NAAA: variants seen among roughly 807,000 people sequenced by gnomAD.
NAAA encodes the protein N-acylethanolamine-hydrolyzing acid amidase.
In NAAA, 39 loss-of-function variants were observed where a neutral mutation model predicts 44.8. The observed-to-expected ratio is 0.87, with a 90% CI of 0.67 to 1.14. NAAA has a LOEUF of 1.14. NAAA is among the 50% of genes most tolerant of loss of function. The pLI is 0.00. For synonymous variants in NAAA, 178 were observed against 191.3 expected, an observed-to-expected ratio of 0.93 and a Z score of 0.58; for missense variants, 460 against 467.8, an observed-to-expected ratio of 0.98 and a Z score of 0.15.
rs930269177 is a variant in NAAA at position 75,940,155 on chromosome 4, G to A, written c.217C>T (p.Pro73Ser). 2 of 1,613,504 alleles carry A rather than the reference G, an allele frequency of 1.2e-6. No individual in the cohort carries two copies. The highest frequency in any genetic ancestry group is 1.3e-5 in the African/African-American group (1 of 74,942). Residue 73 changes from proline (P) to serine (S), a missense_variant, in exon 2 of 11, where the codon CCC becomes TCC. Coordinates refer to ENST00000286733, the MANE Select transcript of NAAA (RefSeq NM_014435.4). ...CCGATTAACACGTGCACCCACTTGGGGACTCTGTCCCTAGAAACAAAAAGC... is the reference window on the plus strand; with the variant it reads ...CCGATTAACACGTGCACCCACTTGGAGACTCTGTCCCTAGAAACAAAAAGC... Reference protein sequence around the residue: ...AMAQVIGDRVPKWVHVLIGKV... With the variant: ...AMAQVIGDRVSKWVHVLIGKV...
chr4:75,933,420 T>C (rs1727420358), intron 3 of NAAA, among the ~76,000 whole-genome samples: 2 of 152,134 alleles, frequency 1.3e-5, no homozygotes, highest in Non-Finnish European at 2.9e-5. Context: ...TCTCCACGCA[T>C]GGTGGTAAAG....
At chr4:75,921,251 G>A in intron 5 of NAAA, 128 bp from the exon 6 acceptor site, 1 of 852,416 alleles carries the variant, frequency 1.2e-6, no homozygotes, top group Non-Finnish European at 1.7e-6. Flanking sequence ...GATCTGCTCT[G>A]ACCTTATCCT....
At position 75,913,995 on chromosome 4, in the gene NAAA, G is replaced by A; in HGVS notation, c.*380C>T. On this transcript the variant is annotated 3_prime_UTR_variant, in exon 11 of 11. Coordinates refer to ENST00000286733, the MANE Select transcript of NAAA (RefSeq NM_014435.4). ...TTCACAATGAACAGAGGTCTTGCCA[G>A]CTCATTTCATTAGCGGAGAAGCAAA... 2.0e-6 allele frequency: 2 copies of A among 985,376 alleles called. No individual in the cohort carries two copies. The highest frequency in any genetic ancestry group is 2.4e-6 in the Non-Finnish European group (2 of 829,910). The allele number at this position is 985,376 out of a possible 1,614,324, so 61.0% of individuals were successfully genotyped here.
chr4:75,933,074 G>C (rs1168979365), intron 3 of NAAA, among the ~76,000 whole-genome samples: 2 of 148,720 alleles, frequency 1.3e-5, no homozygotes, highest in African/African-American at 2.5e-5. Context: ...GGTAGAGGTT[G>C]CCGTGAGCCA....
chr4:75,920,397 T>C (rs1475458745), intron 7 of NAAA, among the ~76,000 whole-genome samples: 1 of 152,220 alleles, frequency 6.6e-6, no homozygotes, highest in East Asian at 1.9e-4. Flanking sequence ...TCTAAAAATA[T>C]CTTGCCTAGA....
intron 4 of NAAA, among the ~76,000 whole-genome samples, chr4:75,929,600 A>G (rs1445033969): frequency 1.3e-5 from 2 of 152,222 alleles, no homozygotes; most frequent in Non-Finnish European, 2.9e-5. Context: ...ATGTAATTAT[A>G]GGCATTCTAT....
Position 75,940,800 on chromosome 4 carries a change from G to C in NAAA, c.150C>G (p.Pro50=), listed in dbSNP as rs769043385. 31 of 1,598,854 alleles carry C rather than the reference G, an allele frequency of 1.9e-5. No individual in the cohort carries two copies. Among genetic ancestry groups the C allele is most frequent in the Non-Finnish European group, 2.5e-5 (30 of 1,178,818 alleles). Residue 50 remains proline, a synonymous_variant, in exon 1 of 11, where the codon CCC becomes CCG. Transcript: ENST00000286733. ...AGTCCAAGTCGTAGTGCCGCAGCACGGGCAGCCAGCGCAGCTCGGGGACCG... is the reference window on the plus strand; with the variant it reads ...AGTCCAAGTCGTAGTGCCGCAGCACCGGCAGCCAGCGCAGCTCGGGGACCG... ...LDSVPELRWL[P]VLRHYDLDLV...
At chr4:75,925,244 C>T (rs1372195600) in intron 5 of NAAA, among the ~76,000 whole-genome samples, 3 of 152,172 alleles carry the variant, frequency 2.0e-5, no homozygotes, top group Admixed American at 2.0e-4. Flanking sequence ...ACTGTGTTAG[C>T]CAGGATGGTC....
At position 75,914,328 on chromosome 4, in the gene NAAA, T is replaced by A. The variant is rs114178130; in HGVS notation, c.*47A>T. The A allele has an allele frequency of 5.3e-3, 5,218 of 982,054 alleles. 201 individuals are homozygous for A. The African/African-American group carries it at 0.083, about 16-fold the overall frequency. 60.8% of individuals were successfully genotyped at this position (982,054 alleles called of 1,614,324 possible). A position where few individuals can be genotyped will look rare whatever the true frequency, so the allele number is the denominator to read the frequency against. Reference sequence around the variant, plus strand: ...GCAGCTCTTCAAGAATTTCATTTTTTAAAAAATCATCTGTAAGGGAAGAAA... The same window carrying A: ...GCAGCTCTTCAAGAATTTCATTTTTAAAAAAATCATCTGTAAGGGAAGAAA... On this transcript the variant is annotated 3_prime_UTR_variant, in exon 11 of 11. Coordinates refer to ENST00000286733, the MANE Select transcript of NAAA (RefSeq NM_014435.4).
In NAAA at chr4:75,913,839, A is replaced by G; in HGVS notation, c.*536T>C. 4.1e-6 allele frequency: 4 copies of G among 985,356 alleles called. No individual in the cohort carries two copies. The highest frequency in any genetic ancestry group is 4.8e-6 in the Non-Finnish European group (4 of 829,826). The allele number at this position is 985,356 out of a possible 1,614,324, so 61.0% of individuals were successfully genotyped here. On this transcript the variant is annotated 3_prime_UTR_variant, in exon 11 of 11. Coordinates refer to ENST00000286733, the MANE Select transcript of NAAA (RefSeq NM_014435.4). The stretch of plus-strand genomic sequence containing the variant: ...ATAAAACGTTAGAAACATTATAAAA[A>G]ACGAGACTCCCATTACATGGAAACA...
downstream of NAAA, among the ~76,000 whole-genome samples, chr4:75,912,644 C>T (rs753558156): frequency 6.6e-5 from 10 of 151,892 alleles, no homozygotes; most frequent in Non-Finnish European, 1.3e-4. Context: ...CATAGTGGCA[C>T]ATGCCGGTAA....
intron 5 of NAAA, among the ~76,000 whole-genome samples, chr4:75,923,146 G>A (rs1021244395): frequency 2.0e-5 from 3 of 152,050 alleles, no homozygotes; most frequent in Non-Finnish European, 4.4e-5. Context: ...GGGCAGAAGG[G>A]ATCCTCCCGC....
chr4:75,922,377 CAAAAA>C (rs34680013), intron 5 of NAAA, among the ~76,000 whole-genome samples: 2 of 105,386 alleles, frequency 1.9e-5, no homozygotes, highest in Non-Finnish European at 2.0e-5. Context: ...GACCCTGTCT[CAAAAA>C]AAAAAAAAAA....
At position 75,937,768 on chromosome 4, in the gene NAAA, G is replaced by A. The variant is rs529843799; in HGVS notation, c.372-1533C>T. Among the ~76,000 whole-genome samples, 18 of 152,342 alleles carry A rather than the reference G, an allele frequency of 1.2e-4. 1 individual carries two copies. In the South Asian group the frequency reaches 2.1e-3, roughly 18 times the overall value. ...CTCCCAAAATGCTGGCAATGCAGGC[G>A]TGAGCCACTGTGGCCGGCCACCCTC... On this transcript the variant is annotated intron_variant, in intron 2 of 10. Coordinates refer to ENST00000286733, the MANE Select transcript of NAAA (RefSeq NM_014435.4).
rs567451803 is a variant in NAAA at position 75,917,956 on chromosome 4, G to A, written c.998+805C>T. On this transcript the variant is annotated intron_variant, in intron 9 of 10. Transcript: ENST00000286733. ...CTTCGGAGATAGTGGAAATTCCTCC[G>A]GAGGATAAAAGAAAACCAAAGGTAT... Among the ~76,000 whole-genome samples the A allele has an allele frequency of 3.7e-4, 57 of 152,240 alleles. 1 individual carries two copies. Among genetic ancestry groups the A allele is most frequent in the African/African-American group, 1.1e-3 (46 of 41,554 alleles).
intron 4 of NAAA, among the ~76,000 whole-genome samples, chr4:75,926,288 T>C (rs6824911): frequency 0.29 from 44,576 of 151,766 alleles, 6,696 homozygotes; most frequent in East Asian, 0.43. Context: ...TAGCCAGGTG[T>C]GGTGACTCAT....
chr4:75,920,058 C>T lies in NAAA; in HGVS notation c.903-83G>A. ...GCTGTCATTTTTGGGAGGCAGAATGCAAGCTCCAGTCTCATTATCTCCCTT... is the reference window on the plus strand; with the variant it reads ...GCTGTCATTTTTGGGAGGCAGAATGTAAGCTCCAGTCTCATTATCTCCCTT... On this transcript the variant is annotated intron_variant, in intron 7 of 10. Coordinates refer to ENST00000286733, the MANE Select transcript of NAAA (RefSeq NM_014435.4). 3.3e-6 allele frequency: 4 copies of T among 1,226,470 alleles called. No homozygotes were observed. In the South Asian group the frequency reaches 4.9e-5, roughly 15 times the overall value. 76.0% of individuals were successfully genotyped at this position (1,226,470 alleles called of 1,614,324 possible). A position where few individuals can be genotyped will look rare whatever the true frequency, so the allele number is the denominator to read the frequency against.
intron 5 of NAAA, among the ~76,000 whole-genome samples, chr4:75,923,742 G>A (rs1244883856): frequency 1.3e-5 from 2 of 152,060 alleles, no homozygotes; most frequent in Admixed American, 6.6e-5. Flanking sequence ...GTTTCACCAT[G>A]TTGGCCAGGC....
chr4:75,935,343 ACT>A (rs1471406763), intron 3 of NAAA: 1 of 152,202 alleles, frequency 6.6e-6, no homozygotes, highest in African/African-American at 2.4e-5. Context: ...TGGCTTTTGC[ACT>A]CTGTATTCTG....
Sources: allele counts gnomAD v4.1 joint callset (sites outside exome capture counted in the v4.1 genomes callset), GRCh38; gene constraint gnomAD v4.1.1; transcripts MANE v1.5; gene names NCBI Gene and HGNC (gene_info 2026-07-23, HGNC 2026-07-21).